Variants in PEAK1 observed in about 807,000 individuals in gnomAD.
PEAK1 encodes the protein pseudopodium enriched atypical kinase 1, also known as inactive tyrosine-protein kinase PEAK1.
PEAK1 carries 54 observed loss-of-function variants against 124.7 expected under a neutral mutation model. The ratio of observed to expected loss-of-function variants is 0.43; its 90% CI spans 0.35 to 0.54. The LOEUF (loss-of-function observed/expected upper bound fraction) is 0.54. Among genes scored for constraint, PEAK1 ranks in the 20% least tolerant of loss-of-function variants. The pLI, the probability that PEAK1 is intolerant of heterozygous loss-of-function variation, is 0.01. For missense variants in PEAK1, 2,046 were observed against 2,134.5 expected (o/e 0.96, Z 0.82); for synonymous variants, 719 against 760.0 (o/e 0.95, Z 0.89).
rs2057178701 is a variant in PEAK1 at position 77,180,384 on chromosome 15, T to C, written c.1543A>G (p.Thr515Ala). The change falls in exon 7 of 10, where the codon ACA becomes GCA. Residue 515 changes from threonine (T) to alanine (A), a missense_variant. By Grantham distance (58) the Thr-to-Ala change is moderately conservative. Transcript: ENST00000682557. ...PNSPVTSSSL[T>A]PGQISAHFQK... The stretch of plus-strand genomic sequence containing the variant: ...AAATGGGCACTTATTTGTCCTGGTG[T>C]CAATGAAGATGATGTAACTGGAGAG... 1.2e-6 allele frequency: 2 copies of C among 1,614,142 alleles called. No homozygotes were observed. Among genetic ancestry groups the C allele is most frequent in the African/African-American group, 2.7e-5 (2 of 75,028 alleles).
intron 5 of PEAK1, among the ~76,000 whole-genome samples, chr15:77,264,062 T>C (rs1187225811): frequency 2.0e-5 from 3 of 152,148 alleles, no homozygotes; most frequent in East Asian, 1.9e-4. Flanking sequence ...CAACCCTTCA[T>C]GCTAAAAACT....
chr15:77,243,048 T>A (rs2060428162), intron 6 of PEAK1, among the ~76,000 whole-genome samples: 1 of 152,170 alleles, frequency 6.6e-6, no homozygotes, highest in African/African-American at 2.4e-5. Flanking sequence ...TTAAGAAAAA[T>A]TAATTACCCC....
intron 6 of PEAK1, among the ~76,000 whole-genome samples, chr15:77,211,980 T>G (rs544473264): frequency 2.0e-5 from 3 of 152,150 alleles, no homozygotes; most frequent in Admixed American, 6.5e-5. Flanking sequence ...TATTCATTAT[T>G]ATTTACTGAG....
At chr15:77,306,863 A>T (rs2064135091) in intron 2 of PEAK1, among the ~76,000 whole-genome samples, 1 of 152,132 alleles carries the variant, frequency 6.6e-6, no homozygotes, top group African/African-American at 2.4e-5. Context: ...AAGGCTTTTT[A>T]TTAAATTTGC....
chr15:77,114,903 T>C lies in PEAK1; in HGVS notation c.4494A>G (p.Leu1498=), dbSNP rs751972096. ...GGTGCTCAAGACCAGAGCATAGCTG[T>C]AAGAGCAGCAGACACACCTGCCTCT... ...LYERQVCLLL[L]QLCSGLEHLK... is the part of the protein sequence containing the mutation. The change falls in exon 10 of 10, where the codon TTA becomes TTG. Residue 1498 remains leucine, a synonymous_variant. Transcript: ENST00000682557. 2.2e-5 allele frequency: 36 copies of C among 1,613,850 alleles called. No homozygotes were observed. In the Admixed American group the frequency reaches 6.0e-4, roughly 27 times the overall value.
chr15:77,298,742 G>A (rs1325474829), intron 2 of PEAK1, among the ~76,000 whole-genome samples: 1 of 152,088 alleles, frequency 6.6e-6, no homozygotes, highest in Admixed American at 6.5e-5. Context: ...ATTCTATTGT[G>A]TAATTTTCTT....
At chr15:77,232,285 T>G (rs946358652) in intron 6 of PEAK1, among the ~76,000 whole-genome samples, 3 of 151,904 alleles carry the variant, frequency 2.0e-5, no homozygotes, top group African/African-American at 7.3e-5. Context: ...ACACTAAGCC[T>G]GCTTCTGAGC....
chr15:77,192,349 G>A (rs1005760834), intron 6 of PEAK1, among the ~76,000 whole-genome samples: 3 of 152,238 alleles, frequency 2.0e-5, no homozygotes, highest in Non-Finnish European at 4.4e-5. Context: ...GATGGGAACT[G>A]TGGCCAGGGC....
intron 2 of PEAK1, among the ~76,000 whole-genome samples, chr15:77,298,064 CAAAAAAA>C (rs771222323): frequency 6.0e-4 from 19 of 31,554 alleles, no homozygotes; most frequent in African/African-American, 2.8e-3. Flanking sequence ...GACTCCGTCT[CAAAAAAA>C]AAAAAAAAAA....
intron 6 of PEAK1, among the ~76,000 whole-genome samples, chr15:77,232,892 C>T (rs1354761098): frequency 3.3e-5 from 5 of 152,074 alleles, no homozygotes; most frequent in African/African-American, 1.2e-4. Context: ...ATAACAGGCA[C>T]CTGCCACCAC....
At chr15:77,301,412 C>G (rs538296056) in intron 2 of PEAK1, among the ~76,000 whole-genome samples, 1 of 152,260 alleles carries the variant, frequency 6.6e-6, no homozygotes, top group South Asian at 2.1e-4. Flanking sequence ...GCACTTTTTA[C>G]AAATAAGATC....
chr15:77,136,838 T>C (rs932826957), intron 8 of PEAK1, among the ~76,000 whole-genome samples: 10 of 152,066 alleles, frequency 6.6e-5, no homozygotes, highest in African/African-American at 1.9e-4. Flanking sequence ...CCCAAGACAA[T>C]GGGAAATATT....
At chr15:77,322,275 G>A (rs7167620) in intron 2 of PEAK1, among the ~76,000 whole-genome samples, 1,737 of 152,144 alleles carry the variant, frequency 0.011, 35 homozygotes, top group African/African-American at 0.04. Context: ...AAATAACTAA[G>A]ATCAGAGCAG....
At chr15:77,353,682 A>G (rs1333686112) in intron 2 of PEAK1, among the ~76,000 whole-genome samples, 10 of 152,216 alleles carry the variant, frequency 6.6e-5, no homozygotes, top group African/African-American at 2.2e-4. Context: ...TATGTATAAT[A>G]TAAGGTAAAA....
intron 6 of PEAK1, among the ~76,000 whole-genome samples, chr15:77,184,797 T>C (rs1166174031): frequency 2.0e-5 from 3 of 152,176 alleles, no homozygotes; most frequent in African/African-American, 7.2e-5. Context: ...CTCAGGAGGC[T>C]GAGGCATGAG....
chr15:77,316,707 T>G (rs556145097), intron 2 of PEAK1, among the ~76,000 whole-genome samples: 17 of 152,314 alleles, frequency 1.1e-4, no homozygotes, highest in Non-Finnish European at 2.1e-4. Context: ...GAATACTACA[T>G]GTACACAGTG....
At position 77,313,690 on chromosome 15, in the gene PEAK1, GTGTA is replaced by G. The variant is rs1406224047; in HGVS notation, c.-602-27190_-602-27187del. ...TGTGTGTGTGTGTGTGTGTGTGTGT[GTGTA>G]TATATATATATGTATGTGTGTGTGT... On this transcript the variant is annotated intron_variant, in intron 2 of 9. Coordinates refer to ENST00000682557, the MANE Select transcript of PEAK1 (RefSeq NM_001385026.1). Among the ~76,000 whole-genome samples, 118 of 122,632 alleles carry G rather than the reference GTGTA, an allele frequency of 9.6e-4. 1 individual carries two copies. In the East Asian group the frequency reaches 0.02, roughly 21 times the overall value. 80.5% of individuals were successfully genotyped at this position (122,632 alleles called of 152,430 possible).
intron 6 of PEAK1, among the ~76,000 whole-genome samples, chr15:77,241,587 C>CA (rs1285076474): frequency 6.6e-6 from 1 of 151,862 alleles, no homozygotes; most frequent in African/African-American, 2.4e-5. Flanking sequence ...AAGGAATCTA[C>CA]AAAAAACTTC....
intron 1 of PEAK1, among the ~76,000 whole-genome samples, chr15:77,384,976 G>A (rs949132110): frequency 6.6e-6 from 1 of 152,114 alleles, no homozygotes; most frequent in Non-Finnish European, 1.5e-5. Flanking sequence ...GTTCATCTAT[G>A]AAATAAAGGT....
Sources: gnomAD v4.1 joint callset for allele counts (sites outside exome capture counted in the v4.1 genomes callset) on GRCh38, gnomAD v4.1.1 for gene constraint, MANE v1.5 for transcripts, NCBI Gene and HGNC (gene_info 2026-07-23, HGNC 2026-07-21) for gene names.